AMDHD1: variants seen among roughly 807,000 people sequenced by gnomAD.
AMDHD1 encodes the protein amidohydrolase domain containing 1.
AMDHD1 carries 45 observed loss-of-function variants against 44.1 expected under a neutral mutation model. The ratio of observed to expected loss-of-function variants is 1.02; its 90% CI spans 0.80 to 1.31. The LOEUF is 1.31. AMDHD1 is among the 50% of genes most tolerant of loss of function. The pLI is 0.00. For synonymous variants in AMDHD1, 206 were observed against 205.0 expected, an observed-to-expected ratio of 1.00 and a Z score of -0.04; for missense variants, 586 against 552.1, an observed-to-expected ratio of 1.06 and a Z score of -0.61.
chr12:95,959,260 T>A (rs951668061), intron 4 of AMDHD1, among the ~76,000 whole-genome samples: 3 of 152,142 alleles, frequency 2.0e-5, no homozygotes. Context: ...GGATTCCCAT[T>A]GGTAAAGCCT....
At position 95,967,854 on chromosome 12, in the gene AMDHD1, AAG is replaced by A; in HGVS notation, c.*15_*16del. 6 of 1,530,044 alleles carry A rather than the reference AAG, an allele frequency of 3.9e-6. No homozygotes were observed. The highest frequency in any genetic ancestry group is 5.3e-6 in the Non-Finnish European group (6 of 1,124,206). The allele number at this position is 1,530,044 out of a possible 1,614,324, so 94.8% of individuals were successfully genotyped here. On this transcript the variant is annotated 3_prime_UTR_variant, in exon 9 of 9. Coordinates refer to ENST00000266736, the MANE Select transcript of AMDHD1 (RefSeq NM_152435.3). ...ATCTATAAAACATGATAGATTTGAA[AAG>A]AGAAGACTTTTTGACTATATGAAAT...
intron 1 of AMDHD1, among the ~76,000 whole-genome samples, 162 bp from the exon 2 acceptor site, chr12:95,952,555 G>A (rs1208723874): frequency 2.6e-5 from 4 of 152,084 alleles, no homozygotes; most frequent in Admixed American, 6.6e-5. Context: ...TGGTTGCCTC[G>A]AATGTGGCTA....
chr12:95,952,800 G>T lies in AMDHD1; in HGVS notation c.221G>T (p.Cys74Phe). 6 of 1,610,186 alleles carry T rather than the reference G, an allele frequency of 3.7e-6. No individual in the cohort carries two copies. Among genetic ancestry groups the T allele is most frequent in the Non-Finnish European group, 4.2e-6 (5 of 1,176,698 alleles). Residue 74 changes from cysteine to phenylalanine, a missense_variant, in exon 2 of 9, where the codon TGC becomes TTC. Coordinates refer to ENST00000266736, the MANE Select transcript of AMDHD1 (RefSeq NM_152435.3). ...GAAACTTTTGAAGAAATAATTGACTGCTCTGGGAAATGTATTCTACCAGGT... is the reference window on the plus strand; with the variant it reads ...GAAACTTTTGAAGAAATAATTGACTTCTCTGGGAAATGTATTCTACCAGGT... ...SGETFEEIID[C>F]SGKCILPGLV...
intron 6 of AMDHD1, among the ~76,000 whole-genome samples, chr12:95,964,032 T>TA (rs35799594): frequency 0.033 from 3,931 of 119,358 alleles, 117 homozygotes; most frequent in African/African-American, 0.064. Context: ...GATTCCATCT[T>TA]AAAAAAAAAA....
At chr12:95,951,294 A>G (rs1241779329) in intron 1 of AMDHD1, among the ~76,000 whole-genome samples, 2 of 152,018 alleles carry the variant, frequency 1.3e-5, no homozygotes, top group African/African-American at 4.8e-5. Context: ...CCATGAGCTC[A>G]ATTGTTTTCA....
In AMDHD1 at chr12:95,943,393, G is replaced by A. The variant is rs1380127543; in HGVS notation, c.-6G>A. 6.7e-7 allele frequency: 1 copy of A among 1,493,224 alleles called. No individual in the cohort carries two copies. The highest frequency in any genetic ancestry group is 8.9e-7 in the Non-Finnish European group (1 of 1,128,318). 92.5% of individuals were successfully genotyped at this position (1,493,224 alleles called of 1,614,324 possible). ...GGCCTCCCGGCGACCCTCGGCGCGA[G>A]GCGACATGGCAAGCGGCCACAGCCT... On this transcript the variant is annotated 5_prime_UTR_variant, in exon 1 of 9. Transcript: ENST00000266736.
At chr12:95,946,361 G>A (rs2136757283) in intron 1 of AMDHD1, among the ~76,000 whole-genome samples, 1 of 152,232 alleles carries the variant, frequency 6.6e-6, no homozygotes, top group East Asian at 1.9e-4. Flanking sequence ...GGTGGACAAT[G>A]AACCTAAAAT....
At position 95,965,676 on chromosome 12, in the gene AMDHD1, C is replaced by T. The variant is rs199509741; in HGVS notation, c.939-10C>T. 100 of 1,597,076 alleles carry T rather than the reference C, an allele frequency of 6.3e-5. No homozygotes were observed. Among genetic ancestry groups the T allele is most frequent in the Admixed American group, 7.1e-5 (4 of 56,384 alleles). ...TTCTAGAGACTGACATATTTTTTTC[C>T]TCCCCTTAGACTGAAACAACCTCGA... On this transcript the variant is annotated splice_polypyrimidine_tract_variant and intron_variant, in intron 6 of 8. Coordinates refer to ENST00000266736, the MANE Select transcript of AMDHD1 (RefSeq NM_152435.3).
chr12:95,959,175 C>A (rs1275449517), intron 4 of AMDHD1, among the ~76,000 whole-genome samples: 2 of 152,220 alleles, frequency 1.3e-5, no homozygotes, highest in African/African-American at 4.8e-5. Flanking sequence ...TGAGAGCCTT[C>A]TGTGTGCCAA....
Position 95,967,926 on chromosome 12 carries a change from C to T in AMDHD1, c.*83C>T, listed in dbSNP as rs573287011. Reference sequence around the variant, plus strand: ...AAAAGTTAAAACACCTTAATATTTACAAGAATTATATCACTTAAACCTAAA... The same window carrying T: ...AAAAGTTAAAACACCTTAATATTTATAAGAATTATATCACTTAAACCTAAA... On this transcript the variant is annotated 3_prime_UTR_variant, in exon 9 of 9. Coordinates refer to ENST00000266736, the MANE Select transcript of AMDHD1 (RefSeq NM_152435.3). The T allele has an allele frequency of 1.8e-5, 17 of 928,832 alleles. No individual in the cohort carries two copies. Among genetic ancestry groups the T allele is most frequent in the Middle Eastern group, 3.1e-4 (1 of 3,182 alleles). The allele number at this position is 928,832 out of a possible 1,614,324, so 57.5% of individuals were successfully genotyped here. A position where few individuals can be genotyped will look rare whatever the true frequency, so the allele number is the denominator to read the frequency against.
In AMDHD1 at chr12:95,965,200, G is replaced by A. The variant is rs141743978; in HGVS notation, c.939-486G>A. 2.0e-4 allele frequency among the ~76,000 whole-genome samples: 30 copies of A among 151,480 alleles called. 1 individual carries two copies. In the East Asian group the frequency reaches 5.9e-3, roughly 30 times the overall value. On this transcript the variant is annotated intron_variant, in intron 6 of 8. Coordinates refer to ENST00000266736, the MANE Select transcript of AMDHD1 (RefSeq NM_152435.3). ...TGTAGTCCCAACTACTCGGGAGGCT[G>A]AGGCAGGAGAATCGCTTGAACCCAG...
chr12:95,965,778 T>C lies in AMDHD1; in HGVS notation c.1031T>C (p.Met344Thr). ...AACCCCAATGCATATTGCTTTTCAA[T>C]GGTAATTATTTTTTTCATGTACCTT... ...DFNPNAYCFS[M>T]PMVMHLACVN... The change falls in exon 7 of 9, where the codon ATG becomes ACG. Residue 344 changes from methionine to threonine, a missense_variant and splice_region_variant. Met to Thr is a moderately conservative substitution (Grantham distance 81). Transcript: ENST00000266736. 6.2e-7 allele frequency: 1 copy of C among 1,600,252 alleles called. No homozygotes were observed. Among genetic ancestry groups the C allele is most frequent in the Middle Eastern group, 1.7e-4 (1 of 6,026 alleles).
intron 1 of AMDHD1, 46 bp from the exon 2 acceptor site, chr12:95,952,671 A>T (rs1406728708): frequency 2.4e-6 from 3 of 1,276,174 alleles, no homozygotes; most frequent in Non-Finnish European, 3.4e-6. Flanking sequence ...CAGATTTCTC[A>T]CAAGATTTCC....
At position 95,943,390 on chromosome 12, in the gene AMDHD1, C is replaced by G. The variant is rs537265116; in HGVS notation, c.-9C>G. On this transcript the variant is annotated 5_prime_UTR_variant, in exon 1 of 9. Coordinates refer to ENST00000266736, the MANE Select transcript of AMDHD1 (RefSeq NM_152435.3). ...GGTGGCCTCCCGGCGACCCTCGGCG[C>G]GAGGCGACATGGCAAGCGGCCACAG... 16 of 1,492,032 alleles carry G rather than the reference C, an allele frequency of 1.1e-5. No homozygotes were observed. The highest frequency in any genetic ancestry group is 1.4e-5 in the Non-Finnish European group (16 of 1,127,866). The allele number at this position is 1,492,032 out of a possible 1,614,324, so 92.4% of individuals were successfully genotyped here.
intron 1 of AMDHD1, among the ~76,000 whole-genome samples, chr12:95,948,491 G>T (rs1204609504): frequency 6.2e-5 from 5 of 80,856 alleles, no homozygotes; most frequent in African/African-American, 2.5e-4. Context: ...GAGGGAGGTG[G>T]GGGTGTCAGC....
At chr12:95,953,834 G>A (rs12306602) in intron 2 of AMDHD1, among the ~76,000 whole-genome samples, 2,433 of 152,232 alleles carry the variant, frequency 0.016, 63 homozygotes, top group African/African-American at 0.055. Flanking sequence ...GCTGATCTCG[G>A]TCTCCCAAAG....
rs763890532 is a variant in AMDHD1, at chr12:95,956,871, G to A, written c.496G>A (p.Glu166Lys). 6.2e-7 allele frequency: 1 copy of A among 1,614,002 alleles called. No individual in the cohort carries two copies. ...TGGATATGGCCTCGACCTGGAGACC[G>A]AGCTCAAGATGCTGCGCGTGATTGA... ...KSGYGLDLET[E>K]LKMLRVIERA... is the part of the protein sequence containing the mutation. The change falls in exon 4 of 9, where the codon GAG (glutamate) becomes AAG (lysine). Residue 166 changes from glutamate to lysine, a missense_variant. By Grantham distance (56) the Glu-to-Lys change is moderately conservative (BLOSUM62 1). Coordinates refer to ENST00000266736, the MANE Select transcript of AMDHD1 (RefSeq NM_152435.3).
chr12:95,954,654 A>T (rs143254406), intron 2 of AMDHD1, among the ~76,000 whole-genome samples: 1 of 152,106 alleles, frequency 6.6e-6, no homozygotes, highest in African/African-American at 2.4e-5. Flanking sequence ...AAGGAGCTGT[A>T]TTTCTGTAAG....
chr12:95,960,560 A>C lies in AMDHD1; in HGVS notation c.750A>C (p.Gly250=). 6.2e-7 allele frequency: 1 copy of C among 1,614,260 alleles called. No homozygotes were observed. The highest frequency in any genetic ancestry group is 1.3e-5 in the African/African-American group (1 of 75,062). Residue 250 remains glycine, a synonymous_variant, in exon 5 of 9, where the codon GGA becomes GGC. Transcript: ENST00000266736. ...LDSTRRILQR[G]KDIGLQINFH... is the part of the protein sequence containing the mutation. ...CCACCAGAAGGATTCTTCAACGTGG[A>C]AAAGATATAGGGTTACAGATTAACT...
Sources: gnomAD v4.1 joint callset for allele counts (sites outside exome capture counted in the v4.1 genomes callset) on GRCh38, gnomAD v4.1.1 for gene constraint, MANE v1.5 for transcripts, NCBI Gene and HGNC (gene_info 2026-07-23, HGNC 2026-07-21) for gene names.